Variants in NRXN1 observed in about 807,000 individuals in gnomAD.
NRXN1 encodes neurexin-1.
Under a neutral mutation model 150.9 loss-of-function variants are expected in NRXN1, and 39 were observed. That is an observed-to-expected ratio of 0.26 (90% CI 0.20 to 0.34). The LOEUF is 0.34. NRXN1 is among the 10% of genes least tolerant of loss of function. The pLI, the probability that NRXN1 is intolerant of heterozygous loss-of-function variation, is 1.00. For missense variants in NRXN1, 1,815 were observed against 1,949.9 expected (o/e 0.93, Z 1.30); for synonymous variants, 924 against 757.0 (o/e 1.22, Z -3.62).
chr2:50,098,068 A>G (rs987647249), intron 18 of NRXN1, among the ~76,000 whole-genome samples: 2 of 152,154 alleles, frequency 1.3e-5, no homozygotes, highest in African/African-American at 2.4e-5. Context: ...GCACTGAGAT[A>G]TACATGCCAT....
chr2:50,569,297 G>T (rs963202942), intron 8 of NRXN1, among the ~76,000 whole-genome samples: 19 of 151,994 alleles, frequency 1.3e-4, no homozygotes, highest in African/African-American at 4.6e-4. Flanking sequence ...AGTGTAATTG[G>T]ATTATCTGTA....
chr2:50,039,896 C>T (rs1341741757), intron 21 of NRXN1, among the ~76,000 whole-genome samples: 1 of 152,122 alleles, frequency 6.6e-6, no homozygotes, highest in African/African-American at 2.4e-5. Context: ...GCAAGGGAAT[C>T]CACTTGACCT....
At position 50,346,484 on chromosome 2, in the gene NRXN1, C is replaced by A. The variant is rs1347658165; in HGVS notation, c.3365-109514G>T. On this transcript the variant is annotated intron_variant, in intron 17 of 22. Coordinates refer to ENST00000401669, the MANE Select transcript of NRXN1 (RefSeq NM_001330078.2). This position sits in a 1 kb window ranked among gnomAD's most constrained non-coding sequence, Gnocchi z 5.0. ...ACCTCGACAAGGAACGCCCCTCCCACCCCTCACCACCAACACCCGCGACGC... is the reference window on the plus strand; with the variant it reads ...ACCTCGACAAGGAACGCCCCTCCCAACCCTCACCACCAACACCCGCGACGC... Among the ~76,000 whole-genome samples, 1 of 151,962 alleles carries A rather than the reference C, an allele frequency of 6.6e-6. No individual in the cohort carries two copies.
chr2:50,134,091 G>A (rs991105838), intron 18 of NRXN1, among the ~76,000 whole-genome samples: 4 of 151,988 alleles, frequency 2.6e-5, no homozygotes, highest in African/African-American at 4.8e-5. Context: ...CCCTGGATAT[G>A]AAAATCTCAC....
intron 2 of NRXN1, among the ~76,000 whole-genome samples, chr2:50,956,948 G>T (rs183838308): frequency 7.9e-5 from 12 of 151,998 alleles, no homozygotes; most frequent in African/African-American, 2.9e-4. Flanking sequence ...GAGGGAGTTT[G>T]AAACCAGAGC....
intron 2 of NRXN1, among the ~76,000 whole-genome samples, chr2:50,945,844 G>T (rs1175093037): frequency 6.7e-6 from 1 of 148,688 alleles, no homozygotes; most frequent in Non-Finnish European, 1.5e-5. Context: ...AGAAACAAGT[G>T]ACTCCAAAAT....
chr2:50,754,996 T>C (rs886841618), intron 5 of NRXN1, among the ~76,000 whole-genome samples: 1 of 151,884 alleles, frequency 6.6e-6, no homozygotes, highest in African/African-American at 2.4e-5. Flanking sequence ...TGTTCACTAG[T>C]ATCTCCCATT....
intron 5 of NRXN1, among the ~76,000 whole-genome samples, chr2:50,672,672 G>A (rs904808095): frequency 2.6e-5 from 4 of 151,828 alleles, no homozygotes; most frequent in African/African-American, 9.7e-5. Context: ...GCTAAATGAA[G>A]ACAAAATGAT....
intron 5 of NRXN1, among the ~76,000 whole-genome samples, chr2:50,776,761 TA>T (rs2105485119): frequency 6.6e-6 from 1 of 152,054 alleles, no homozygotes; most frequent in African/African-American, 2.4e-5. Flanking sequence ...TTTATGGAGC[TA>T]CACCCACAAA....
chr2:50,057,147 C>T (rs534640229), intron 19 of NRXN1, among the ~76,000 whole-genome samples: 8 of 152,276 alleles, frequency 5.3e-5, no homozygotes, highest in Non-Finnish European at 1.2e-4. Context: ...AGGATAAAAT[C>T]TCAGACCCTT....
chr2:50,880,813 A>G (rs1466836487), intron 5 of NRXN1, among the ~76,000 whole-genome samples: 1 of 151,970 alleles, frequency 6.6e-6, no homozygotes, highest in Non-Finnish European at 1.5e-5. Flanking sequence ...AAGCAAGAGG[A>G]TAATTCACAA....
intron 5 of NRXN1, among the ~76,000 whole-genome samples, chr2:50,701,049 T>C (rs1360462370): frequency 6.6e-6 from 1 of 152,184 alleles, no homozygotes; most frequent in African/African-American, 2.4e-5. Context: ...AATTTAGTTC[T>C]AGTTAGACAC....
rs553285598 is a variant in NRXN1, at chr2:50,085,188, A to C, written c.3718+6135T>G. Among the ~76,000 whole-genome samples the C allele has an allele frequency of 2.0e-4, 31 of 152,324 alleles. No individual in the cohort carries two copies. The South Asian group carries it at 6.4e-3, about 32-fold the overall frequency. On this transcript the variant is annotated intron_variant, in intron 19 of 22. Transcript: ENST00000401669. Reference sequence around the variant, plus strand: ...AAATAAATATTCATCTATGCATGTAAGTATATTTTGGCTAAAAACCACCAG... The same window carrying C: ...AAATAAATATTCATCTATGCATGTACGTATATTTTGGCTAAAAACCACCAG...
intron 18 of NRXN1, among the ~76,000 whole-genome samples, chr2:50,156,874 A>G (rs73932958): frequency 6.6e-6 from 1 of 152,122 alleles, no homozygotes; most frequent in African/African-American, 2.4e-5. Flanking sequence ...ACAAACCACT[A>G]AAGTGCTATA....
chr2:50,634,329 C>A (rs1345102687), intron 5 of NRXN1, among the ~76,000 whole-genome samples: 2 of 152,150 alleles, frequency 1.3e-5, no homozygotes, highest in Admixed American at 6.5e-5. Flanking sequence ...TGAAATTATA[C>A]ATATCTGGGT....
At chr2:50,449,881 T>A (rs966122289) in intron 17 of NRXN1, among the ~76,000 whole-genome samples, 1 of 152,128 alleles carries the variant, frequency 6.6e-6, no homozygotes, top group African/African-American at 2.4e-5. Flanking sequence ...AATTCTCAAA[T>A]CAACCCTGCA....
rs538525779 is a variant in NRXN1 at position 50,557,039 on chromosome 2, T to C, written c.1321-4014A>G. Among the ~76,000 whole-genome samples the C allele has an allele frequency of 2.0e-5, 3 of 152,312 alleles. No homozygotes were observed. The East Asian group carries it at 5.8e-4, about 29-fold the overall frequency. ...CAGGATATTGTTCTCTACTTTCAGA[T>C]ACACTGAAACACTAATCCATTAGTA... is the stretch of plus-strand genomic sequence containing the variant. On this transcript the variant is annotated intron_variant, in intron 8 of 22. Transcript: ENST00000401669.
At chr2:50,239,973 C>A (rs1395674581) in intron 17 of NRXN1, among the ~76,000 whole-genome samples, 1 of 150,998 alleles carries the variant, frequency 6.6e-6, no homozygotes, top group Non-Finnish European at 1.5e-5. Flanking sequence ...CTTCCCAAAC[C>A]TATGGAACTA....
intron 5 of NRXN1, among the ~76,000 whole-genome samples, chr2:50,746,670 T>G (rs955107187): frequency 2.0e-5 from 3 of 152,286 alleles, no homozygotes; most frequent in Non-Finnish European, 2.9e-5. Context: ...GACTGGGGGC[T>G]GCTTTTCCCT....
Sources: allele counts gnomAD v4.1 joint callset (sites outside exome capture counted in the v4.1 genomes callset), GRCh38; gene constraint gnomAD v4.1.1; non-coding constraint Gnocchi (gnomAD v3.1); transcripts MANE v1.5; gene names NCBI Gene and HGNC (gene_info 2026-07-23, HGNC 2026-07-21).